The following PIK3CD variants were observed in gnomAD, a reference collection of about 807,000 sequenced individuals.
PIK3CD encodes the protein phosphatidylinositol 4,5-bisphosphate 3-kinase catalytic subunit delta isoform.
A neutral mutation model predicts 122.9 loss-of-function variants in PIK3CD; 20 were observed. That is an observed-to-expected ratio of 0.16 (90% CI 0.11 to 0.24). The LOEUF (loss-of-function observed/expected upper bound fraction) is 0.24, where lower values mean the gene tolerates loss of function less well. Among genes scored for constraint, PIK3CD ranks in the 10% least tolerant of loss-of-function variants. The pLI is 1.00. For synonymous variants in PIK3CD, 596 were observed against 593.4 expected (o/e 1.00, Z -0.06); for missense variants, 787 against 1,406.3 (o/e 0.56, Z 7.04).
chr1:9,645,441 T>C, the PIK3CD span, among the ~76,000 whole-genome samples: 85 of 152,048 alleles, frequency 5.6e-4, 1 homozygote, highest in Non-Finnish European at 1.5e-4. Context: ...GTGAAACTTC[T>C]ATTTTATTTT....
chr1:9,685,672 A>T (rs184294721), intron 1 of PIK3CD, among the ~76,000 whole-genome samples: 94 of 152,066 alleles, frequency 6.2e-4, no homozygotes, highest in Middle Eastern at 3.4e-3. Flanking sequence ...ATAATTAAAA[A>T]TTTTTTAAAG....
At chr1:9,672,265 C>CCTA (rs1180140833) in intron 1 of PIK3CD, among the ~76,000 whole-genome samples, 1 of 152,076 alleles carries the variant, frequency 6.6e-6, no homozygotes, top group Non-Finnish European at 1.5e-5. Flanking sequence ...CATATTTTCC[C>CCTA]CTAACTTTAG....
At position 9,720,336 on chromosome 1, in the gene PIK3CD, C is replaced by A; in HGVS notation, c.1470+94C>A. The stretch of plus-strand genomic sequence containing the variant: ...CTCTTCAGAGGGTGCTCCCTGGCCA[C>A]GTCGGGGCTGGGCTACCAGGCATAT... On this transcript the variant is annotated intron_variant, in intron 11 of 23. Transcript: ENST00000377346. This position sits in a 1 kb window ranked among gnomAD's most constrained non-coding sequence, Gnocchi z 9.0. The A allele has an allele frequency of 6.8e-7, 1 of 1,467,198 alleles. No individual in the cohort carries two copies. The highest frequency in any genetic ancestry group is 9.2e-7 in the Non-Finnish European group (1 of 1,091,752). 90.9% of individuals were successfully genotyped at this position (1,467,198 alleles called of 1,614,324 possible). A position where few individuals can be genotyped will look rare whatever the true frequency, so the allele number is the denominator to read the frequency against.
At chr1:9,694,157 T>C (rs547623002) in intron 2 of PIK3CD, among the ~76,000 whole-genome samples, 10 of 152,304 alleles carry the variant, frequency 6.6e-5, no homozygotes, top group African/African-American at 2.2e-4. Flanking sequence ...GGGCAGACCC[T>C]TGGAGGACTT....
chr1:9,648,112 T>C (rs1644624255), upstream of PIK3CD, among the ~76,000 whole-genome samples: 1 of 152,234 alleles, frequency 6.6e-6, no homozygotes, highest in Admixed American at 6.5e-5. Flanking sequence ...GCAAATTTTA[T>C]TTAACAGGCA....
intron 3 of PIK3CD, among the ~76,000 whole-genome samples, chr1:9,712,341 T>C (rs1343312187): frequency 1.3e-5 from 2 of 151,322 alleles, no homozygotes; most frequent in East Asian, 2.0e-4. Flanking sequence ...AGTGCAGTGG[T>C]GTGATCTTGG....
the PIK3CD span, among the ~76,000 whole-genome samples, chr1:9,644,467 G>A: frequency 1.3e-5 from 2 of 149,836 alleles, no homozygotes; most frequent in African/African-American, 2.5e-5. Flanking sequence ...GCAGTGAGCC[G>A]AGATCTCACC....
At chr1:9,687,161 C>A (rs527908770) in intron 1 of PIK3CD, among the ~76,000 whole-genome samples, 2 of 152,192 alleles carry the variant, frequency 1.3e-5, no homozygotes, top group South Asian at 4.1e-4. Context: ...TTGACTTTCC[C>A]TCCATCCATG....
Position 9,723,111 on chromosome 1 carries a change from T to TC in PIK3CD, c.2427-9dup, listed in dbSNP as rs1242408115. 5.0e-6 allele frequency: 8 copies of TC among 1,612,610 alleles called. No individual in the cohort carries two copies. Among genetic ancestry groups the TC allele is most frequent in the Non-Finnish European group, 6.8e-6 (8 of 1,179,718 alleles). ...GACCATGCCATTTGCCCGTCCCTCT[T>TC]CCCCCTTGCCTAGGATGACCCCCTA... On this transcript the variant is annotated splice_polypyrimidine_tract_variant and intron_variant, in intron 19 of 23. Coordinates refer to ENST00000377346, the MANE Select transcript of PIK3CD (RefSeq NM_005026.5). The surrounding 1 kb of genome is among the most constrained non-coding windows in gnomAD (Gnocchi z 4.9).
the PIK3CD span, among the ~76,000 whole-genome samples, chr1:9,644,770 C>T: frequency 6.6e-6 from 1 of 152,008 alleles, no homozygotes; most frequent in African/African-American, 2.4e-5. Flanking sequence ...AAAAATGGCC[C>T]CTTAGCTGCA....
intron 1 of PIK3CD, among the ~76,000 whole-genome samples, chr1:9,686,411 A>G (rs1220341865): frequency 6.8e-6 from 1 of 147,624 alleles, no homozygotes; most frequent in Non-Finnish European, 1.5e-5. Flanking sequence ...TGTTTTGCCC[A>G]GGTTGTTCTT....
Position 9,727,136 on chromosome 1 carries a change from C to A in PIK3CD, c.*90C>A. On this transcript the variant is annotated 3_prime_UTR_variant, in exon 24 of 24. Coordinates refer to ENST00000377346, the MANE Select transcript of PIK3CD (RefSeq NM_005026.5). ...TCCTAAAGGGGCTGAAGAGCCTGAA[C>A]TGCACCTAACGGGAAAGAACCGACA... The A allele has an allele frequency of 6.9e-7, 1 of 1,448,410 alleles. No individual in the cohort carries two copies. The highest frequency in any genetic ancestry group is 9.6e-7 in the Non-Finnish European group (1 of 1,036,862). 89.7% of individuals were successfully genotyped at this position (1,448,410 alleles called of 1,614,324 possible). A position where few individuals can be genotyped will look rare whatever the true frequency, so the allele number is the denominator to read the frequency against.
chr1:9,659,618 T>C (rs1448366918), intron 1 of PIK3CD, among the ~76,000 whole-genome samples: 3 of 152,260 alleles, frequency 2.0e-5, no homozygotes, highest in African/African-American at 7.2e-5. Context: ...ATGAGTGGAA[T>C]CCTACAGTAT....
chr1:9,685,796 G>A (rs190710319), intron 1 of PIK3CD, among the ~76,000 whole-genome samples: 3 of 150,096 alleles, frequency 2.0e-5, no homozygotes, highest in Non-Finnish European at 4.4e-5. Context: ...AAACTCAAGC[G>A]ATCCTCCTGC....
chr1:9,700,593 C>CT lies in PIK3CD; in HGVS notation c.-33+9022_-33+9023insT, dbSNP rs1646588900. ...CGTCCATCACTGGGTGACGCGACCC[C>CT]AGCTCCCCGCTCTGTGTCTAGGCCG... is the stretch of plus-strand genomic sequence containing the variant. On this transcript the variant is annotated intron_variant, in intron 2 of 23. Coordinates refer to ENST00000377346, the MANE Select transcript of PIK3CD (RefSeq NM_005026.5). This position sits in a 1 kb window ranked among gnomAD's most constrained non-coding sequence, Gnocchi z 5.1. 1.3e-5 allele frequency among the ~76,000 whole-genome samples: 2 copies of CT among 151,992 alleles called. No homozygotes were observed. The highest frequency in any genetic ancestry group is 4.8e-5 in the African/African-American group (2 of 41,344).
chr1:9,726,868 C>T (rs375470182), intron 23 of PIK3CD, 41 bp from the exon 24 acceptor site: 11 of 1,612,974 alleles, frequency 6.8e-6, no homozygotes, highest in Non-Finnish European at 5.9e-6. Context: ...GAGCAAGGTC[C>T]GGGCCCCCTT....
At chr1:9,677,850 T>A (rs1645596688) in intron 1 of PIK3CD, among the ~76,000 whole-genome samples, 1 of 151,316 alleles carries the variant, frequency 6.6e-6, no homozygotes, top group South Asian at 2.1e-4. Context: ...TTTGGCAGAG[T>A]AAGAAAAAAA....
In PIK3CD at chr1:9,722,385, C is replaced by A; in HGVS notation, c.2347+29C>A. On this transcript the variant is annotated intron_variant, in intron 18 of 23. Transcript: ENST00000377346. The surrounding 1 kb of genome is among the most constrained non-coding windows in gnomAD (Gnocchi z 7.6). Reference sequence around the variant, plus strand: ...AGGGCCTGGCCTCCCCACACCCCGCCTGTACTGCCCTGGGGGGTCCTGGGG... The same window carrying A: ...AGGGCCTGGCCTCCCCACACCCCGCATGTACTGCCCTGGGGGGTCCTGGGG... The A allele has an allele frequency of 1.3e-6, 2 of 1,583,034 alleles. No homozygotes were observed. Among genetic ancestry groups the A allele is most frequent in the Non-Finnish European group, 1.7e-6 (2 of 1,155,454 alleles).
rs991423011 is a variant in PIK3CD at position 9,720,769 on chromosome 1, C to T, written c.1549C>T (p.Arg517Trp). ...GCTGCAGCTGCGGGAAATCCTGGAG[C>T]GGCGGGGGTCTGGGGAGCTGTATGA... Reference protein sequence around the residue: ...EQLQLREILERRGSGELYEHE... With the variant: ...EQLQLREILEWRGSGELYEHE... The change falls in exon 13 of 24, where the codon CGG becomes TGG. Residue 517 changes from arginine to tryptophan, a missense_variant. Physicochemically the swap from Arg to Trp is moderately radical, Grantham distance 101. Around this residue, in one of 6 missense-constraint regions of PIK3CD, gnomAD observed 592 missense variants for 920.6 expected, o/e 0.64. Coordinates refer to ENST00000377346, the MANE Select transcript of PIK3CD (RefSeq NM_005026.5). The surrounding 1 kb of genome is among the most constrained non-coding windows in gnomAD (Gnocchi z 9.0). 1.9e-6 allele frequency: 3 copies of T among 1,612,578 alleles called. No homozygotes were observed. The highest frequency in any genetic ancestry group is 1.7e-6 in the Non-Finnish European group (2 of 1,179,640).
Sources: gnomAD v4.1 joint callset for allele counts (sites outside exome capture counted in the v4.1 genomes callset) on GRCh38, gnomAD v4.1.1 for gene constraint, gnomAD v4.1.1 regional missense constraint, Gnocchi (gnomAD v3.1) non-coding constraint, MANE v1.5 for transcripts, NCBI Gene and HGNC (gene_info 2026-07-23, HGNC 2026-07-21) for gene names.